Variants in GIMAP4 observed in about 807,000 individuals in gnomAD.
GIMAP4 encodes GTPase, IMAP family member 4.
In GIMAP4, 12 loss-of-function variants were observed where a neutral mutation model predicts 10.8. The ratio of observed to expected loss-of-function variants is 1.11; its 90% confidence interval spans 0.71 to 1.81. GIMAP4 has a LOEUF of 1.81. Ranked by LOEUF, GIMAP4 falls within the 40% of genes most tolerant of loss-of-function variation. The pLI, the probability that GIMAP4 is intolerant of heterozygous loss-of-function variation, is 0.00. For missense variants in GIMAP4, 412 were observed against 404.6 expected, an observed-to-expected ratio of 1.02 and a Z score of -0.16; for synonymous variants, 149 against 147.2, an observed-to-expected ratio of 1.01 and a Z score of -0.09.
intron 2 of GIMAP4, 193 bp downstream of exon 2, chr7:150,570,152 C>G (rs1258214789): frequency 1.2e-5 from 7 of 604,498 alleles, no homozygotes; most frequent in African/African-American, 1.1e-4. Context: ...TTTCTTGACC[C>G]TCTGCACTTT....
At chr7:150,568,600 A>G (rs2116714719) in intron 1 of GIMAP4, among the ~76,000 whole-genome samples, 1 of 152,344 alleles carries the variant, frequency 6.6e-6, no homozygotes, top group South Asian at 2.1e-4. Context: ...ATTTTCACAG[A>G]TCAGATGTGG....
In GIMAP4 at chr7:150,573,874, A is replaced by T. The variant is rs1795768062; in HGVS notation, c.*814A>T. The T allele has an allele frequency of 6.6e-6, 1 of 152,218 alleles. No homozygotes were observed. Among genetic ancestry groups the T allele is most frequent in the South Asian group, 2.1e-4 (1 of 4,836 alleles). 9.4% of individuals were successfully genotyped at this position (152,218 alleles called of 1,614,324 possible). ...ACACTTTGAATACTTATTGTTTGGC[A>T]GGTCATCCACACACTTCTGCCCCCA... On this transcript the variant is annotated 3_prime_UTR_variant, in exon 3 of 3. Transcript: ENST00000255945.
chr7:150,569,401 A>C (rs944529119), intron 1 of GIMAP4, among the ~76,000 whole-genome samples: 1 of 152,206 alleles, frequency 6.6e-6, no homozygotes, highest in African/African-American at 2.4e-5. Flanking sequence ...TGCAGGAGCC[A>C]CGGGGCTAGA....
intron 1 of GIMAP4, among the ~76,000 whole-genome samples, chr7:150,568,465 A>G (rs962381348): frequency 2.0e-5 from 3 of 152,238 alleles, no homozygotes; most frequent in Admixed American, 6.5e-5. Flanking sequence ...GTCTGCTCCA[A>G]TAAGAGTTCT....
chr7:150,571,648 G>T lies in GIMAP4; in HGVS notation c.59-481G>T, dbSNP rs1795729799. ...ATACAAAAATTATCCGGGCATGGTG[G>T]TGCATGCCTGTAATCTCAGCTACTT... is the stretch of plus-strand genomic sequence containing the variant. On this transcript the variant is annotated intron_variant, in intron 2 of 2. Coordinates refer to ENST00000255945, the MANE Select transcript of GIMAP4 (RefSeq NM_018326.3). 2.0e-5 allele frequency among the ~76,000 whole-genome samples: 3 copies of T among 152,138 alleles called. No homozygotes were observed. The South Asian group carries it at 6.2e-4, about 32-fold the overall frequency.
chr7:150,569,506 G>A (rs1405910188), intron 1 of GIMAP4, among the ~76,000 whole-genome samples: 2 of 152,160 alleles, frequency 1.3e-5, no homozygotes, highest in East Asian at 3.9e-4. Flanking sequence ...AGATGCCCAT[G>A]AAATAGCCAA....
Position 150,569,923 on chromosome 7 carries a change from A to G in GIMAP4, c.22A>G (p.Met8Val), listed in dbSNP as rs2116716602. Residue 8 changes from methionine to valine, a missense_variant, in exon 2 of 3, where the codon ATG becomes GTG. Physicochemically the swap from Met to Val is conservative, Grantham distance 21. Coordinates refer to ENST00000255945, the MANE Select transcript of GIMAP4 (RefSeq NM_018326.3). MAAQYGSMSFNPSTPGAS... is the reference protein window; with the variant it reads MAAQYGSVSFNPSTPGAS... Reference sequence around the variant, plus strand: ...GACAATGGCAGCCCAATACGGCAGTATGAGCTTCAACCCCAGCACACCAGG... The same window carrying G: ...GACAATGGCAGCCCAATACGGCAGTGTGAGCTTCAACCCCAGCACACCAGG... 1 of 1,576,902 alleles carries G rather than the reference A, an allele frequency of 6.3e-7. No individual in the cohort carries two copies. Among genetic ancestry groups the G allele is most frequent in the Non-Finnish European group, 8.7e-7 (1 of 1,151,240 alleles).
intron 1 of GIMAP4, among the ~76,000 whole-genome samples, chr7:150,568,502 GT>G (rs1563317463): frequency 1.3e-5 from 2 of 152,114 alleles, no homozygotes; most frequent in African/African-American, 2.4e-5. Flanking sequence ...ATTGCAAAAT[GT>G]TTGTAGGTAG....
In GIMAP4 at chr7:150,573,176, G is replaced by A; in HGVS notation, c.*116G>A. On this transcript the variant is annotated 3_prime_UTR_variant, in exon 3 of 3. Coordinates refer to ENST00000255945, the MANE Select transcript of GIMAP4 (RefSeq NM_018326.3). ...CTGTCTCTCAGGCACTCGTAACTAA[G>A]GACCACCATTGGCCATTGGTAGATG... 1 of 658,680 alleles carries A rather than the reference G, an allele frequency of 1.5e-6. No individual in the cohort carries two copies. Among genetic ancestry groups the A allele is most frequent in the Non-Finnish European group, 2.6e-6 (1 of 381,474 alleles). 40.8% of individuals were successfully genotyped at this position (658,680 alleles called of 1,614,324 possible).
intron 1 of GIMAP4, among the ~76,000 whole-genome samples, chr7:150,568,248 C>T (rs1563317368): frequency 6.6e-6 from 1 of 152,208 alleles, no homozygotes; most frequent in Non-Finnish European, 1.5e-5. Context: ...ATCCTCTCTC[C>T]TAACACCAGC....
At chr7:150,570,028 G>A (rs1330203630) in intron 2 of GIMAP4, 69 bp downstream of exon 2, 7 of 820,804 alleles carry the variant, frequency 8.5e-6, no homozygotes, top group Middle Eastern at 3.1e-4. Flanking sequence ...GGGGGATTTG[G>A]GGGGGAATAG....
At position 150,572,982 on chromosome 7, in the gene GIMAP4, G is replaced by A. The variant is rs1410225758; in HGVS notation, c.912G>A (p.Lys304=). ...QQRARTEVES[K]DGILELIMTA... is the part of the protein sequence containing the mutation. ...GGGCAAGAACGGAAGTGGAGAGTAA[G>A]GATGGGATACTTGAATTAATCATGA... is the stretch of plus-strand genomic sequence containing the variant. Residue 304 remains lysine, a synonymous_variant, in exon 3 of 3, where the codon AAG becomes AAA. Coordinates refer to ENST00000255945, the MANE Select transcript of GIMAP4 (RefSeq NM_018326.3). 4 of 1,613,274 alleles carry A rather than the reference G, an allele frequency of 2.5e-6. No homozygotes were observed. Among genetic ancestry groups the A allele is most frequent in the Non-Finnish European group, 3.4e-6 (4 of 1,179,312 alleles).
In GIMAP4 at chr7:150,572,655, C is replaced by A; in HGVS notation, c.585C>A (p.Gly195=). 6.2e-7 allele frequency: 1 copy of A among 1,614,160 alleles called. No homozygotes were observed. The highest frequency in any genetic ancestry group is 8.5e-7 in the Non-Finnish European group (1 of 1,180,008). ...RYCALNNKAT[G]AEQEAQRAQL... is the part of the protein sequence containing the mutation. ...GTGCGTTAAACAACAAGGCAACAGG[C>A]GCTGAGCAGGAGGCCCAGAGGGCAC... Residue 195 remains glycine (G), a synonymous_variant, in exon 3 of 3, where the codon GGC becomes GGA. Transcript: ENST00000255945.
chr7:150,571,080 G>A (rs1350792682), intron 2 of GIMAP4, among the ~76,000 whole-genome samples: 3 of 152,120 alleles, frequency 2.0e-5, no homozygotes, highest in Admixed American at 1.3e-4. Flanking sequence ...TGCAGTGTTG[G>A]AGCTGGCCTT....
rs751234329 is a variant in GIMAP4 at position 150,572,617 on chromosome 7, G to C, written c.547G>C (p.Gly183Arg). The change falls in exon 3 of 3, where the codon GGT becomes CGT. Residue 183 changes from glycine to arginine, a missense_variant. Coordinates refer to ENST00000255945, the MANE Select transcript of GIMAP4 (RefSeq NM_018326.3). ...CATTCAAGACTTGATGGACATTTTC[G>C]GTGACCGCTACTGTGCGTTAAACAA... is the stretch of plus-strand genomic sequence containing the variant. ...EDIQDLMDIF[G>R]DRYCALNNKA... 30 of 1,614,056 alleles carry C rather than the reference G, an allele frequency of 1.9e-5. No homozygotes were observed. The highest frequency in any genetic ancestry group is 2.2e-5 in the Non-Finnish European group (26 of 1,180,012).
Position 150,572,419 on chromosome 7 carries a change from C to T in GIMAP4, c.349C>T (p.Leu117=). ...ILLTSPGPHA[L]LLVVPLGRYT... ...TCTGACCTCCCCAGGGCCTCATGCT[C>T]TGCTTCTGGTGGTTCCACTGGGCCG... The change falls in exon 3 of 3, where the codon CTG becomes TTG. Residue 117 remains leucine (L), a synonymous_variant. Coordinates refer to ENST00000255945, the MANE Select transcript of GIMAP4 (RefSeq NM_018326.3). 6.2e-7 allele frequency: 1 copy of T among 1,614,218 alleles called. No homozygotes were observed. The highest frequency in any genetic ancestry group is 1.1e-5 in the South Asian group (1 of 91,092).
rs771759399 is a variant in GIMAP4 at position 150,572,382 on chromosome 7, T to G, written c.312T>G (p.Ile104Met). Residue 104 changes from isoleucine (I) to methionine (M), a missense_variant, in exon 3 of 3, where the codon ATT becomes ATG. Transcript: ENST00000255945. ...ATGCTGAAACGTCCAAGGAGATTAT[T>G]CGCTGCATTCTTCTGACCTCCCCAG... Reference protein sequence around the residue: ...VPNAETSKEIIRCILLTSPGP... With the variant: ...VPNAETSKEIMRCILLTSPGP... 1.2e-6 allele frequency: 2 copies of G among 1,613,988 alleles called. No individual in the cohort carries two copies. The highest frequency in any genetic ancestry group is 1.7e-6 in the Non-Finnish European group (2 of 1,179,976).
Position 150,573,164 on chromosome 7 carries a change from A to C in GIMAP4, c.*104A>C. 1.4e-6 allele frequency: 1 copy of C among 704,464 alleles called. No homozygotes were observed. Among genetic ancestry groups the C allele is most frequent in the Non-Finnish European group, 2.4e-6 (1 of 418,312 alleles). The allele number at this position is 704,464 out of a possible 1,614,324, so 43.6% of individuals were successfully genotyped here. On this transcript the variant is annotated 3_prime_UTR_variant, in exon 3 of 3. Coordinates refer to ENST00000255945, the MANE Select transcript of GIMAP4 (RefSeq NM_018326.3). ...GTGCTCTAGTTTCTGTCTCTCAGGC[A>C]CTCGTAACTAAGGACCACCATTGGC...
At chr7:150,567,965 G>T (rs1235881110) in intron 1 of GIMAP4, among the ~76,000 whole-genome samples, 1 of 152,184 alleles carries the variant, frequency 6.6e-6, no homozygotes, top group Admixed American at 6.5e-5. Flanking sequence ...CCTTTAGCGG[G>T]TAGGAGGAGG....
Sources: gnomAD v4.1 joint callset for allele counts (sites outside exome capture counted in the v4.1 genomes callset) on GRCh38, gnomAD v4.1.1 for gene constraint, MANE v1.5 for transcripts, NCBI Gene and HGNC (gene_info 2026-07-23, HGNC 2026-07-21) for gene names.